CEACAM21: variants seen among roughly 807,000 people sequenced by gnomAD.
CEACAM21 encodes cell adhesion molecule CEACAM21.
CEACAM21 carries 38 observed loss-of-function variants against 33.2 expected under a neutral mutation model. The ratio of observed to expected loss-of-function variants is 1.14; its 90% CI spans 0.88 to 1.50. The LOEUF is 1.50. CEACAM21 is among the 40% of genes most tolerant of loss of function. The pLI, the probability that CEACAM21 is intolerant of heterozygous loss-of-function variation, is 0.00. For missense variants in CEACAM21, 385 were observed against 364.6 expected (o/e 1.06, Z -0.46); for synonymous variants, 156 against 143.0 (o/e 1.09, Z -0.65).
intron 2 of CEACAM21, among the ~76,000 whole-genome samples, chr19:41,570,206 G>A (rs2042514867): frequency 6.6e-6 from 1 of 152,232 alleles, no homozygotes; most frequent in African/African-American, 2.4e-5. Flanking sequence ...CAGATGGGTA[G>A]GTAGGCTCAG....
intron 1 of CEACAM21, among the ~76,000 whole-genome samples, chr19:41,553,472 T>G (rs1425229372): frequency 3.9e-5 from 6 of 152,140 alleles, no homozygotes; most frequent in African/African-American, 1.2e-4. Context: ...TTTGCCACTT[T>G]ATTTGTACGA....
intron 3 of CEACAM21, 132 bp from the exon 4 acceptor site, chr19:41,584,215 G>C (rs548429756): frequency 1.4e-6 from 1 of 725,014 alleles, no homozygotes; most frequent in African/African-American, 1.8e-5. Flanking sequence ...CAGCTATGAG[G>C]ACAGCACAAC....
upstream of CEACAM21, among the ~76,000 whole-genome samples, chr19:41,575,793 G>T (rs186752462): frequency 6.6e-5 from 10 of 152,248 alleles, no homozygotes; most frequent in African/African-American, 2.4e-4. Flanking sequence ...CCCCTTTCTA[G>T]CCCCCAGAGC....
chr19:41,576,985 A>C (rs1216947301), intron 1 of CEACAM21, among the ~76,000 whole-genome samples: 2 of 152,154 alleles, frequency 1.3e-5, no homozygotes, highest in Non-Finnish European at 2.9e-5. Context: ...GGAGGGAACC[A>C]TGCAGACCCC....
Position 41,562,692 on chromosome 19 carries a change from G to GA in CEACAM21, c.-778-1981dup, listed in dbSNP as rs372676178. On this transcript the variant is annotated intron_variant, in intron 1 of 7. Transcript: ENST00000407170. ...GAAATTTGAGAACATAATTTTGACC[G>GA]AAAAAAAAAGCAAGTATTTGAAAAT... Among the ~76,000 whole-genome samples, 185 of 146,696 alleles carry GA rather than the reference G, an allele frequency of 1.3e-3. 1 individual carries two copies. Among genetic ancestry groups the GA allele is most frequent in the South Asian group, 4.9e-3 (23 of 4,672 alleles).
chr19:41,578,092 C>T (rs2043088747), intron 2 of CEACAM21, among the ~76,000 whole-genome samples: 1 of 152,154 alleles, frequency 6.6e-6, no homozygotes, highest in Admixed American at 6.5e-5. Flanking sequence ...CAGGGCTCAG[C>T]CCCCAGAGCC....
chr19:41,554,873 A>G (rs1390509921), intron 1 of CEACAM21: 2 of 152,102 alleles, frequency 1.3e-5, no homozygotes, highest in East Asian at 3.8e-4. Flanking sequence ...TAATTTTTTC[A>G]TAAACCTTTC....
chr19:41,586,776 A>ATTCCCT lies in CEACAM21; in HGVS notation c.*313_*314insTTCCCT, dbSNP rs1555795835. 523 of 349,898 alleles carry ATTCCCT rather than the reference A, an allele frequency of 1.5e-3. 6 individuals are homozygous for ATTCCCT. The highest frequency in any genetic ancestry group is 0.01 in the African/African-American group (482 of 46,696). 21.7% of individuals were successfully genotyped at this position (349,898 alleles called of 1,614,324 possible). A position where few individuals can be genotyped will look rare whatever the true frequency, so the allele number is the denominator to read the frequency against. On this transcript the variant is annotated 3_prime_UTR_variant, in exon 7 of 7. Coordinates refer to ENST00000401445, the MANE Select transcript of CEACAM21 (RefSeq NM_001098506.4). ...ACAGGAAGTGGGGGCTTGCAGGGAAAGTGAATGGGCCTATGGCCCACCCGG... is the reference window on the plus strand; with the variant it reads ...ACAGGAAGTGGGGGCTTGCAGGGAAATTCCCTGTGAATGGGCCTATGGCCCACCCGG...
At chr19:41,559,020 A>C (rs782459334) in intron 1 of CEACAM21, among the ~76,000 whole-genome samples, 2 of 152,234 alleles carry the variant, frequency 1.3e-5, no homozygotes, top group Non-Finnish European at 2.9e-5. Flanking sequence ...GGAGATTTGA[A>C]TACATTCCTA....
chr19:41,569,356 G>A (rs1380846627), intron 2 of CEACAM21, among the ~76,000 whole-genome samples: 1 of 152,046 alleles, frequency 6.6e-6, no homozygotes, highest in Non-Finnish European at 1.5e-5. Flanking sequence ...TGGGACTACA[G>A]GTGTATGCCA....
At chr19:41,551,984 A>G (rs569049134) in intron 1 of CEACAM21, 1 of 152,274 alleles carries the variant, frequency 6.6e-6, no homozygotes, top group South Asian at 2.1e-4. Context: ...ATGCAGATAA[A>G]CTGGGGAGGA....
At chr19:41,563,800 G>T (rs1555787508) in intron 1 of CEACAM21, among the ~76,000 whole-genome samples, 1 of 152,234 alleles carries the variant, frequency 6.6e-6, no homozygotes. Flanking sequence ...TGGACAAGGG[G>T]CTCTCAGCAC....
In CEACAM21 at chr19:41,579,439, A is replaced by G. The variant is rs2043199273; in HGVS notation, c.511A>G (p.Thr171Ala). 2 of 1,613,692 alleles carry G rather than the reference A, an allele frequency of 1.2e-6. No homozygotes were observed. The highest frequency in any genetic ancestry group is 2.7e-5 in the African/African-American group (2 of 74,838). ...GGTCCTGACCTGCCACACAAATAACACTGGAACCTCTTTCCAGTGGATTTT... is the reference window on the plus strand; with the variant it reads ...GGTCCTGACCTGCCACACAAATAACGCTGGAACCTCTTTCCAGTGGATTTT... The part of the protein sequence containing the change: ...SVVLTCHTNN[T>A]GTSFQWIFNN... The change falls in exon 3 of 7, where the codon ACT (threonine) becomes GCT (alanine). Residue 171 changes from threonine to alanine, a missense_variant. Thr to Ala is a moderately conservative substitution (Grantham distance 58). Transcript: ENST00000401445.
intron 2 of CEACAM21, among the ~76,000 whole-genome samples, chr19:41,570,139 G>A (rs933302379): frequency 2.7e-4 from 41 of 152,296 alleles, no homozygotes; most frequent in Admixed American, 2.3e-3. Context: ...AGAGCTGGGC[G>A]TCCCACAGAA....
chr19:41,575,212 G>A (rs1555790589), upstream of CEACAM21, among the ~76,000 whole-genome samples: 1 of 152,188 alleles, frequency 6.6e-6, no homozygotes, highest in Non-Finnish European at 1.5e-5. Flanking sequence ...TTGATTAAAA[G>A]TATGAAGTTT....
In CEACAM21 at chr19:41,579,376, C is replaced by A. The variant is rs782678753; in HGVS notation, c.448C>A (p.Gln150Lys). 1.7e-5 allele frequency: 27 copies of A among 1,613,984 alleles called. No individual in the cohort carries two copies. The highest frequency in any genetic ancestry group is 2.2e-5 in the South Asian group (2 of 91,084). The change falls in exon 3 of 7, where the codon CAA becomes AAA. Residue 150 changes from glutamine (Q) to lysine (K), a missense_variant. By Grantham distance (53) the Gln-to-Lys change is moderately conservative (BLOSUM62 1). Transcript: ENST00000401445. ...VYESVAQPSIQASSTTVTEKG... is the reference protein window; with the variant it reads ...VYESVAQPSIKASSTTVTEKG... ...AGAGTCAGTGGCTCAGCCCTCCATC[C>A]AAGCCAGCAGCACCACAGTCACAGA... is the stretch of plus-strand genomic sequence containing the variant.
chr19:41,558,670 A>C (rs2041689288), intron 1 of CEACAM21, among the ~76,000 whole-genome samples: 1 of 152,112 alleles, frequency 6.6e-6, no homozygotes, highest in South Asian at 2.1e-4. Flanking sequence ...ACAAAAAAAA[A>C]CCTTCAACAT....
intron 3 of CEACAM21, among the ~76,000 whole-genome samples, chr19:41,580,236 A>G (rs1267387395): frequency 1.3e-5 from 2 of 151,926 alleles, no homozygotes; most frequent in Admixed American, 6.5e-5. Context: ...GAAAAACTCA[A>G]ACTGTGTTTT....
At chr19:41,568,755 G>A (rs2042419583) in intron 2 of CEACAM21, among the ~76,000 whole-genome samples, 1 of 152,200 alleles carries the variant, frequency 6.6e-6, no homozygotes, top group Non-Finnish European at 1.5e-5. Context: ...GTTTAAGATT[G>A]CTTTGGCAAC....
Sources: gnomAD v4.1 joint callset for allele counts (sites outside exome capture counted in the v4.1 genomes callset) on GRCh38, gnomAD v4.1.1 for gene constraint, MANE v1.5 for transcripts, NCBI Gene and HGNC (gene_info 2026-07-23, HGNC 2026-07-21) for gene names.